DMD: variants seen among roughly 807,000 people sequenced by gnomAD.
The protein encoded by DMD is dystrophin.
DMD carries 63 observed loss-of-function variants against 330.1 expected under a neutral mutation model. That is an observed-to-expected ratio of 0.19 (90% confidence interval 0.16 to 0.24). DMD has a LOEUF of 0.24. DMD is among the 10% of genes least tolerant of loss of function. DMD has a pLI of 1.00. For missense variants in DMD, 3,344 were observed against 2,684.1 expected (o/e 1.25, Z -5.43); for synonymous variants, 1,223 against 959.8 (o/e 1.27, Z -5.07).
intron 30 of DMD, among the ~76,000 whole-genome samples, chrX:32,400,891 T>C (rs761387252): frequency 0.023 from 2,552 of 109,497 alleles, 78 homozygotes; most frequent in African/African-American, 0.079. Flanking sequence ...CGTATGTTTA[T>C]TGCGGCACTA....
intron 1 of DMD, among the ~76,000 whole-genome samples, chrX:33,293,653 C>T (rs1348812861): frequency 9.0e-6 from 1 of 111,201 alleles, no homozygotes; most frequent in Admixed American, 9.6e-5. Context: ...TTCATTTAAG[C>T]CCTCTCTCGA....
At chrX:33,070,671 C>CTATATATA in intron 1 of DMD, among the ~76,000 whole-genome samples, 1 of 44,024 alleles carries the variant, frequency 2.3e-5, no homozygotes, top group African/African-American at 1.0e-4. Context: ...CTCTCTCTCT[C>CTATATATA]TCTATATATA....
At chrX:31,837,603 CA>C (rs1438578463) in intron 48 of DMD, among the ~76,000 whole-genome samples, 62 of 111,648 alleles carry the variant, frequency 5.6e-4, no homozygotes, top group African/African-American at 2.0e-3. Context: ...ATCAATTAAT[CA>C]ATGTCAGGCA....
chrX:32,499,461 C>G (rs1018182508), intron 19 of DMD, among the ~76,000 whole-genome samples: 3 of 111,378 alleles, frequency 2.7e-5, no homozygotes, highest in Non-Finnish European at 5.7e-5. Flanking sequence ...TTTATCTTAA[C>G]TTCTGAGGAA....
intron 1 of DMD, among the ~76,000 whole-genome samples, chrX:33,024,341 A>T (rs2147789653): frequency 8.9e-6 from 1 of 112,447 alleles, no homozygotes; most frequent in East Asian, 2.8e-4. Context: ...TACTAATAAA[A>T]ACATGCATGT....
At chrX:32,867,483 T>A (rs1437478047) in intron 2 of DMD, among the ~76,000 whole-genome samples, 1 of 112,294 alleles carries the variant, frequency 8.9e-6, no homozygotes, top group Non-Finnish European at 1.9e-5. Context: ...GAGAAAATCT[T>A]AATAGGTACC....
intron 19 of DMD, 72 bp downstream of exon 19, chrX:32,501,683 C>A: frequency 1.3e-6 from 1 of 762,118 alleles, no homozygotes; most frequent in Non-Finnish European, 2.0e-6. Flanking sequence ...TGATATAATT[C>A]AGCTGATAAA....
chrX:31,132,173 A>G (rs143888180), intron 77 of DMD, among the ~76,000 whole-genome samples: 67 of 112,166 alleles, frequency 6.0e-4, no homozygotes, highest in African/African-American at 2.1e-3. Flanking sequence ...TTTAGTAAAC[A>G]CTATCCAGGT....
intron 59 of DMD, among the ~76,000 whole-genome samples, chrX:31,461,214 C>T (rs954357633): frequency 8.9e-6 from 1 of 111,848 alleles, no homozygotes; most frequent in Non-Finnish European, 1.9e-5. Context: ...ATATTTATTA[C>T]TTGTAATTGA....
intron 41 of DMD, among the ~76,000 whole-genome samples, chrX:32,325,718 G>A (rs1187570225): frequency 9.0e-6 from 1 of 110,964 alleles, no homozygotes; most frequent in East Asian, 2.8e-4. Context: ...TGGAGATGAG[G>A]AAATTTAACA....
At chrX:32,928,089 T>C (rs1275893951) in intron 2 of DMD, among the ~76,000 whole-genome samples, 2 of 111,238 alleles carry the variant, frequency 1.8e-5, no homozygotes, top group African/African-American at 6.5e-5. Flanking sequence ...ATATTAAATA[T>C]TTTTATATTT....
chrX:32,963,057 A>G (rs1273673957), intron 2 of DMD, among the ~76,000 whole-genome samples: 1 of 111,781 alleles, frequency 8.9e-6, no homozygotes. Flanking sequence ...AGGAGGCCAA[A>G]GACAATCATA....
intron 34 of DMD, among the ~76,000 whole-genome samples, chrX:32,378,915 T>C: frequency 9.1e-6 from 1 of 110,452 alleles, no homozygotes; most frequent in East Asian, 2.8e-4. Flanking sequence ...TATATGAGAG[T>C]TTGAATTTTA....
chrX:33,102,756 T>A (rs1270221699), intron 1 of DMD, among the ~76,000 whole-genome samples: 1 of 111,616 alleles, frequency 9.0e-6, no homozygotes, highest in East Asian at 2.8e-4. Context: ...TATAAATGAA[T>A]CAGTGGGCAT....
At chrX:31,979,476 A>T (rs1451546585) in intron 44 of DMD, among the ~76,000 whole-genome samples, 4 of 112,313 alleles carry the variant, frequency 3.6e-5, no homozygotes, top group African/African-American at 1.3e-4. Context: ...TAAATGGCTA[A>T]ATGAGTGACT....
At chrX:32,474,119 G>C (rs920998849) in intron 21 of DMD, among the ~76,000 whole-genome samples, 1 of 110,555 alleles carries the variant, frequency 9.0e-6, no homozygotes, top group Non-Finnish European at 1.9e-5. Context: ...TAGAATAATA[G>C]TCTCCAATCT....
At chrX:32,580,605 T>C (rs1415407248) in intron 13 of DMD, among the ~76,000 whole-genome samples, 2 of 111,745 alleles carry the variant, frequency 1.8e-5, no homozygotes, top group Non-Finnish European at 3.8e-5. Context: ...AGTAAGGATT[T>C]AGAGCTCAGT....
At chrX:32,483,164 T>TATGTAC (rs1481445275) in intron 21 of DMD, among the ~76,000 whole-genome samples, 1 of 61,601 alleles carries the variant, frequency 1.6e-5, no homozygotes. Context: ...TATATATATA[T>TATGTAC]ACACCATATT....
At chrX:31,911,252 T>A (rs1321656967) in intron 47 of DMD, among the ~76,000 whole-genome samples, 1 of 112,138 alleles carries the variant, frequency 8.9e-6, no homozygotes, top group Non-Finnish European at 1.9e-5. Flanking sequence ...TTTATAGTTT[T>A]ATCACTGTTT....
Sources: allele counts gnomAD v4.1 joint callset (sites outside exome capture counted in the v4.1 genomes callset), GRCh38; gene constraint gnomAD v4.1.1; transcripts MANE v1.5; gene names NCBI Gene and HGNC (gene_info 2026-07-23, HGNC 2026-07-21).